PRIM2: variants seen among roughly 807,000 people sequenced by gnomAD.
PRIM2 encodes the protein DNA primase large subunit.
Under a neutral mutation model 67.3 loss-of-function variants are expected in PRIM2, and 39 were observed. The ratio of observed to expected loss-of-function variants is 0.58; its 90% CI spans 0.45 to 0.76. The LOEUF is 0.76. Among genes scored for constraint, PRIM2 ranks in the 30% least tolerant of loss-of-function variants. The pLI, the probability that PRIM2 is intolerant of heterozygous loss-of-function variation, is 0.00. For synonymous variants in PRIM2, 143 were observed against 198.7 expected (o/e 0.72, Z 2.36); for missense variants, 398 against 598.7 (o/e 0.66, Z 3.50).
chr6:57,348,747 CTTTTTTT>C (rs67086940), intron 5 of PRIM2, among the ~76,000 whole-genome samples: 1 of 71,612 alleles, frequency 1.4e-5, no homozygotes, highest in African/African-American at 5.2e-5. Context: ...CCTTCCTGCC[CTTTTTTT>C]TTTTTTTTTT....
chr6:57,429,080 T>C (rs1771733249), intron 7 of PRIM2, among the ~76,000 whole-genome samples: 1 of 152,192 alleles, frequency 6.6e-6, no homozygotes, highest in Non-Finnish European at 1.5e-5. Context: ...TTTGCCATAT[T>C]GAGAATGTTA....
intron 12 of PRIM2, among the ~76,000 whole-genome samples, chr6:57,615,335 C>A (rs1776736385): frequency 6.7e-6 from 1 of 149,870 alleles, no homozygotes. Context: ...GGGAGGATTG[C>A]TGGATTGCTT....
the PRIM2 span, among the ~76,000 whole-genome samples, chr6:57,232,773 G>A: frequency 6.6e-6 from 1 of 152,114 alleles, no homozygotes; most frequent in African/African-American, 2.4e-5. Context: ...CTTCTTCCCT[G>A]AATGTTTTCT....
Position 57,539,612 on chromosome 6 carries a change from T to TTG in PRIM2, c.1020+2031_1020+2032dup, listed in dbSNP as rs1232932730. On this transcript the variant is annotated intron_variant, in intron 10 of 13. Coordinates refer to ENST00000615550, the MANE Select transcript of PRIM2 (RefSeq NM_000947.5). ...TCAATTATAGTTTTGATTATATTCTTTGTGTGTGTGTGTGTGTGTGTGTGT... is the reference window on the plus strand; with the variant it reads ...TCAATTATAGTTTTGATTATATTCTTTGTGTGTGTGTGTGTGTGTGTGTGTGT... Among the ~76,000 whole-genome samples the TTG allele has an allele frequency of 5.3e-3, 689 of 129,330 alleles. 1 individual carries two copies. Among genetic ancestry groups the TTG allele is most frequent in the South Asian group, 0.034 (122 of 3,582 alleles). 84.8% of individuals were successfully genotyped at this position (129,330 alleles called of 152,430 possible). A position where few individuals can be genotyped will look rare whatever the true frequency, so the allele number is the denominator to read the frequency against.
chr6:57,253,652 T>C, the PRIM2 span, among the ~76,000 whole-genome samples: 2 of 152,194 alleles, frequency 1.3e-5, no homozygotes, highest in Admixed American at 6.5e-5. Flanking sequence ...AATAGTGTAA[T>C]CATGGTTATT....
chr6:57,417,804 G>T (rs1251635271), intron 7 of PRIM2, among the ~76,000 whole-genome samples: 6 of 152,168 alleles, frequency 3.9e-5, no homozygotes, highest in African/African-American at 1.4e-4. Context: ...GCAGCCCATT[G>T]TCTATCTCAA....
intron 7 of PRIM2, among the ~76,000 whole-genome samples, chr6:57,505,929 C>T (rs1554347207): frequency 1.3e-5 from 2 of 151,846 alleles, no homozygotes; most frequent in Non-Finnish European, 2.9e-5. Flanking sequence ...TCATTTAAAT[C>T]GTTTTAGAAC....
intron 7 of PRIM2, among the ~76,000 whole-genome samples, chr6:57,470,570 G>C (rs1307141757): frequency 6.6e-6 from 1 of 150,684 alleles, no homozygotes; most frequent in African/African-American, 2.4e-5. Context: ...AGAGAGAACT[G>C]TCATGTTTCA....
At chr6:57,390,267 G>C (rs1770290010) in intron 7 of PRIM2, 1 of 153,438 alleles carries the variant, frequency 6.5e-6, no homozygotes, top group Admixed American at 6.5e-5. Flanking sequence ...TTTCTAGTTT[G>C]ACAGGTTTGT....
chr6:57,305,589 G>C, the PRIM2 span, among the ~76,000 whole-genome samples: 1 of 152,198 alleles, frequency 6.6e-6, no homozygotes, highest in Non-Finnish European at 1.5e-5. Context: ...ACAGAACATT[G>C]AAAAGTGCCA....
chr6:57,378,412 C>T (rs1197570813), intron 5 of PRIM2, among the ~76,000 whole-genome samples: 8 of 152,040 alleles, frequency 5.3e-5, no homozygotes, highest in Non-Finnish European at 8.8e-5. Context: ...CCACTTCATA[C>T]AGATTGTGCT....
intron 7 of PRIM2, among the ~76,000 whole-genome samples, chr6:57,448,197 T>G (rs1772426270): frequency 2.0e-5 from 3 of 152,252 alleles, no homozygotes; most frequent in Admixed American, 6.5e-5. Flanking sequence ...TCCTGACAAG[T>G]GATTTTAATC....
At chr6:57,606,251 AC>A (rs1776559678) in intron 11 of PRIM2, 123 bp from the exon 12 acceptor site, 1 of 701,158 alleles carries the variant, frequency 1.4e-6, no homozygotes, top group Non-Finnish European at 2.5e-6. Context: ...ATGGGCAATT[AC>A]CTTTTTTTAT....
intron 8 of PRIM2, among the ~76,000 whole-genome samples, chr6:57,510,655 TAAAC>T (rs1342886650): frequency 1.3e-5 from 2 of 152,076 alleles, no homozygotes; most frequent in African/African-American, 4.8e-5. Flanking sequence ...TTATTATTAT[TAAAC>T]AAAACGGTTT....
At chr6:57,500,551 G>A (rs1462534446) in intron 7 of PRIM2, among the ~76,000 whole-genome samples, 1 of 152,190 alleles carries the variant, frequency 6.6e-6, no homozygotes, top group African/African-American at 2.4e-5. Flanking sequence ...AAGTGTAAAA[G>A]CATAGGATTG....
chr6:57,333,487 A>T (rs973429985), intron 5 of PRIM2, among the ~76,000 whole-genome samples: 1 of 152,012 alleles, frequency 6.6e-6, no homozygotes, highest in Non-Finnish European at 1.5e-5. Flanking sequence ...CGATGTCTGC[A>T]CCTTTTTTCA....
Position 57,510,850 on chromosome 6 carries a change from A to G in PRIM2, c.761+3396A>G, listed in dbSNP as rs1774350282. ...ATCTTCCTTTTGCTTAGTTCTAAAT[A>G]GGAAATAATATTATTTGGCTTGAGA... On this transcript the variant is annotated intron_variant, in intron 8 of 13. Transcript: ENST00000615550. Among the ~76,000 whole-genome samples the G allele has an allele frequency of 3.3e-5, 5 of 152,284 alleles. No individual in the cohort carries two copies. The South Asian group carries it at 1.0e-3, about 32-fold the overall frequency.
chr6:57,494,097 T>C (rs1554346195), intron 7 of PRIM2: 10,592 of 152,270 alleles, frequency 0.07, 527 homozygotes, highest in East Asian at 0.2. Flanking sequence ...TCTTAGGAAG[T>C]GTATCCCCAA....
chr6:57,544,593 A>G (rs1161424732), intron 10 of PRIM2, among the ~76,000 whole-genome samples: 4 of 152,008 alleles, frequency 2.6e-5, no homozygotes, highest in Admixed American at 1.3e-4. Flanking sequence ...TTTTGAAACT[A>G]TTTTCCGGCT....
Sources: gnomAD v4.1 joint callset for allele counts (sites outside exome capture counted in the v4.1 genomes callset) on GRCh38, gnomAD v4.1.1 for gene constraint, MANE v1.5 for transcripts, NCBI Gene and HGNC (gene_info 2026-07-23, HGNC 2026-07-21) for gene names.